Variants in SOX5 observed in about 807,000 individuals in gnomAD.
The protein encoded by SOX5 is transcription factor SOX-5.
SOX5 carries 9 observed loss-of-function variants against 92.0 expected under a neutral mutation model. The observed-to-expected ratio is 0.10, with a 90% confidence interval of 0.06 to 0.17. SOX5 has a LOEUF of 0.17. Among genes scored for constraint, SOX5 ranks in the 10% least tolerant of loss-of-function variants. SOX5 has a pLI of 1.00. For missense variants in SOX5, 642 were observed against 944.5 expected (o/e 0.68, Z 4.20); for synonymous variants, 344 against 336.3 (o/e 1.02, Z -0.25).
intron 4 of SOX5, among the ~76,000 whole-genome samples, chr12:24,184,720 A>C (rs1594044856): frequency 6.6e-6 from 1 of 152,160 alleles, no homozygotes; most frequent in African/African-American, 2.4e-5. Flanking sequence ...TAAAACAGAA[A>C]TATTTCAAAC....
chr12:24,288,569 G>A (rs1946200084), intron 2 of SOX5, among the ~76,000 whole-genome samples: 1 of 152,062 alleles, frequency 6.6e-6, no homozygotes, highest in South Asian at 2.1e-4. Flanking sequence ...AATTTGTCAT[G>A]GTATTTATAA....
At chr12:23,555,119 G>A (rs1432360648) in intron 11 of SOX5, among the ~76,000 whole-genome samples, 1 of 151,976 alleles carries the variant, frequency 6.6e-6, no homozygotes, top group East Asian at 1.9e-4. Flanking sequence ...CATAACCTTG[G>A]CATAACTAAA....
chr12:23,633,659 T>C (rs567806904), intron 8 of SOX5, among the ~76,000 whole-genome samples: 7 of 152,140 alleles, frequency 4.6e-5, no homozygotes, highest in Admixed American at 1.3e-4. Context: ...GTAAACTCAG[T>C]GTATGGAGCT....
intron 4 of SOX5, among the ~76,000 whole-genome samples, chr12:24,070,958 G>A (rs1941682329): frequency 6.6e-6 from 1 of 152,062 alleles, no homozygotes; most frequent in Non-Finnish European, 1.5e-5. Context: ...GGTTAGTTTT[G>A]TCTGGAACAA....
intron 1 of SOX5, among the ~76,000 whole-genome samples, chr12:24,402,371 C>G (rs1336613749): frequency 6.6e-6 from 1 of 152,178 alleles, no homozygotes; most frequent in Non-Finnish European, 1.5e-5. Flanking sequence ...AGTGACCTGT[C>G]CCTACCACTT....
rs76521122 is a variant in SOX5, at chr12:24,131,198, G to C, written c.-2+82145C>G. Among the ~76,000 whole-genome samples, 842 of 152,276 alleles carry C rather than the reference G, an allele frequency of 5.5e-3. 8 individuals are homozygous for C. The highest frequency in any genetic ancestry group is 0.019 in the African/African-American group (784 of 41,560). On this transcript the variant is annotated intron_variant, in intron 4 of 4. Transcript: ENST00000446891. ...GAAAGCATAAAATGTTCTAATCTTT[G>C]TGTTAAGATTAACAGGTAAAATATG...
intron 3 of SOX5, among the ~76,000 whole-genome samples, chr12:23,827,509 T>C (rs1237680187): frequency 1.3e-5 from 2 of 152,200 alleles, no homozygotes; most frequent in Non-Finnish European, 2.9e-5. Context: ...TGATGAAAGA[T>C]GTATTTACTT....
chr12:23,594,785 C>A (rs188122792), intron 9 of SOX5, among the ~76,000 whole-genome samples: 92 of 152,254 alleles, frequency 6.0e-4, no homozygotes, highest in Middle Eastern at 6.8e-3. Flanking sequence ...TGCACTTTAG[C>A]TACCCCAGCC....
chr12:23,801,464 A>C (rs2095658059), intron 3 of SOX5, among the ~76,000 whole-genome samples: 1 of 152,192 alleles, frequency 6.6e-6, no homozygotes, highest in African/African-American at 2.4e-5. Context: ...TAGATTATCT[A>C]TCATGCTAAA....
intron 1 of SOX5, among the ~76,000 whole-genome samples, chr12:24,489,344 G>C (rs1161271240): frequency 1.3e-5 from 2 of 152,160 alleles, no homozygotes; most frequent in Admixed American, 6.5e-5. Flanking sequence ...TTTGCCAAAT[G>C]AGAGGGAGAG....
intron 3 of SOX5, among the ~76,000 whole-genome samples, chr12:24,259,306 T>C (rs1381680714): frequency 5.3e-5 from 8 of 152,162 alleles, no homozygotes; most frequent in African/African-American, 1.7e-4. Flanking sequence ...GGCACTGTTA[T>C]CGTGTTTAAA....
intron 4 of SOX5, among the ~76,000 whole-genome samples, chr12:24,047,178 A>T (rs1023024552): frequency 2.0e-5 from 3 of 152,190 alleles, no homozygotes; most frequent in Admixed American, 1.3e-4. Flanking sequence ...AGTGTCACTG[A>T]TCACACCATT....
chr12:24,030,156 T>A (rs924475165), intron 4 of SOX5, among the ~76,000 whole-genome samples: 2 of 151,934 alleles, frequency 1.3e-5, no homozygotes, highest in Non-Finnish European at 2.9e-5. Flanking sequence ...GGCTATATTA[T>A]GCCAACTTTG....
chr12:24,538,801 G>C lies in SOX5; in HGVS notation c.-251+23528C>G, dbSNP rs78386973. ...TACAACACTAAAACTCTTAACTTTC[G>C]GTTAGCAGTACTATGACATATTTAA... On this transcript the variant is annotated intron_variant, in intron 1 of 4. Transcript: ENST00000446891. Among the ~76,000 whole-genome samples the C allele has an allele frequency of 4.5e-3, 681 of 151,986 alleles. 2 individuals carry two copies. The highest frequency in any genetic ancestry group is 0.016 in the African/African-American group (643 of 41,456).
At chr12:24,392,850 C>T (rs1959137031) in intron 1 of SOX5, among the ~76,000 whole-genome samples, 1 of 151,986 alleles carries the variant, frequency 6.6e-6, no homozygotes, top group Admixed American at 6.6e-5. Context: ...TATAATAATA[C>T]ATTTCTCCCT....
intron 4 of SOX5, among the ~76,000 whole-genome samples, chr12:24,091,963 A>C (rs989134421): frequency 1.3e-5 from 2 of 152,130 alleles, no homozygotes; most frequent in African/African-American, 4.8e-5. Context: ...TGGCTTACCT[A>C]TCCAGCCTCT....
chr12:23,654,651 A>G (rs2082090219), intron 7 of SOX5, among the ~76,000 whole-genome samples: 1 of 152,122 alleles, frequency 6.6e-6, no homozygotes. Context: ...TGAGCAACCA[A>G]GAACAAGTGA....
intron 3 of SOX5, among the ~76,000 whole-genome samples, chr12:23,821,771 C>A (rs2096122766): frequency 2.0e-5 from 3 of 151,944 alleles, no homozygotes; most frequent in Admixed American, 6.6e-5. Context: ...GGGATATTGG[C>A]CTGAAATTTT....
At chr12:24,076,722 T>G (rs11047248) in intron 4 of SOX5, among the ~76,000 whole-genome samples, 1 of 56,114 alleles carries the variant, frequency 1.8e-5, no homozygotes, top group Non-Finnish European at 3.9e-5. Flanking sequence ...TTTTTTTTTG[T>G]AATGGTTGGT....
Sources: gnomAD v4.1 joint callset for allele counts (sites outside exome capture counted in the v4.1 genomes callset) on GRCh38, gnomAD v4.1.1 for gene constraint, MANE v1.5 for transcripts, NCBI Gene and HGNC (gene_info 2026-07-23, HGNC 2026-07-21) for gene names.